Variants in TBX3 observed in about 807,000 individuals in gnomAD.
The protein encoded by TBX3 is T-box transcription factor 3.
Under a neutral mutation model 47.8 loss-of-function variants are expected in TBX3, and 11 were observed. That is an observed-to-expected ratio of 0.23 (90% CI 0.14 to 0.38). TBX3 has a LOEUF of 0.38. Among genes scored for constraint, TBX3 ranks in the 10% least tolerant of loss-of-function variants. TBX3 has a pLI of 1.00. For synonymous variants in TBX3, 500 were observed against 449.3 expected, an observed-to-expected ratio of 1.11 and a Z score of -1.43; for missense variants, 927 against 1,022.8, an observed-to-expected ratio of 0.91 and a Z score of 1.28.
chr12:114,680,044 C>A, intron 2 of TBX3: 2 of 1,498,484 alleles, frequency 1.3e-6, no homozygotes, highest in Non-Finnish European at 1.9e-6. Context: ...CACTAATTGA[C>A]GAGCCCAATC....
At position 114,679,600 on chromosome 12, in the gene TBX3, C is replaced by T. The variant is rs1321551828; in HGVS notation, c.709G>A (p.Ala237Thr). 3 of 1,614,090 alleles carry T rather than the reference C, an allele frequency of 1.9e-6. No homozygotes were observed. The highest frequency in any genetic ancestry group is 2.5e-6 in the Non-Finnish European group (3 of 1,180,004). The change falls in exon 3 of 7, where the codon GCC (alanine) becomes ACC (threonine). Residue 237 changes from alanine to threonine, a missense_variant. By Grantham distance (58) the Ala-to-Thr change is moderately conservative (BLOSUM62 0). Transcript: ENST00000349155. ...KYQPRFHIVR[A>T]NDILKLPYST... ...TAAGGGAGTTTCAAGATGTCATTGG[C>T]TCTTACAATGTGGAACCGGGGCTGG...
rs201325654 is a variant in TBX3 at position 114,674,250 on chromosome 12, G to A, written c.1625C>T (p.Ala542Val). Residue 542 changes from alanine (A) to valine (V), a missense_variant, in exon 6 of 7, where the codon GCC (alanine) becomes GTC (valine). Physicochemically the swap from Ala to Val is moderately conservative, Grantham distance 64. Coordinates refer to ENST00000349155, the MANE Select transcript of TBX3 (RefSeq NM_005996.4). The stretch of plus-strand genomic sequence containing the variant: ...CAGTCCCTGCGCCGCAGCGGCAGAG[G>A]CCATGGCCGTGGAATCCAGGCCCGA... ...GVSGLDSTAM[A>V]SAAAAQGLSG... The A allele has an allele frequency of 4.4e-4, 701 of 1,576,544 alleles. 6 individuals are homozygous for A. The East Asian group carries it at 0.014, about 31-fold the overall frequency.
rs746642104 is a variant in TBX3, at chr12:114,674,210, C to T, written c.1665G>A (p.Ala555=). 11 of 1,580,142 alleles carry T rather than the reference C, an allele frequency of 7.0e-6. No individual in the cohort carries two copies. The highest frequency in any genetic ancestry group is 8.6e-6 in the Non-Finnish European group (10 of 1,164,598). ...GCTGGAGGTGGAAGGGCAGGGTGGC[C>T]GCGGACGCCCCGGACAGTCCCTGCG... The part of the protein sequence containing the change: ...AAAQGLSGAS[A]ATLPFHLQQH... The change falls in exon 6 of 7, where the codon GCG becomes GCA. Residue 555 remains alanine, a synonymous_variant. Transcript: ENST00000349155.
In TBX3 at chr12:114,671,827, T is replaced by C. The variant is rs886049009; in HGVS notation, c.*14A>G. 1.3e-6 allele frequency: 2 copies of C among 1,551,664 alleles called. No homozygotes were observed. Among genetic ancestry groups the C allele is most frequent in the East Asian group, 2.4e-5 (1 of 41,160 alleles). On this transcript the variant is annotated 3_prime_UTR_variant, in exon 7 of 7. Transcript: ENST00000349155. ...TGAACTGGACTGGAATGAAAAGACG[T>C]GTCTGGGACGGGTCTACGGGGACGC...
At chr12:114,680,679 T>C (rs1868888697) in intron 2 of TBX3, 200 bp downstream of exon 2, 2 of 761,018 alleles carry the variant, frequency 2.6e-6, no homozygotes, top group Admixed American at 2.2e-5. Flanking sequence ...TAAGTTTTCT[T>C]GCCCCATTTC....
intron 2 of TBX3, chr12:114,679,914 T>A (rs368990405): frequency 6.2e-7 from 1 of 1,613,966 alleles, no homozygotes; most frequent in South Asian, 1.1e-5. Flanking sequence ...CTAGCCTACC[T>A]GAGTACCAAA....
chr12:114,680,282 A>G (rs1359774273), intron 2 of TBX3: 1 of 416,876 alleles, frequency 2.4e-6, no homozygotes, highest in Admixed American at 3.8e-5. Flanking sequence ...ATCTACAAGC[A>G]ATGAAAGTTT....
Position 114,671,926 on chromosome 12 carries a change from G to A in TBX3, c.2087C>T (p.Ala696Val), listed in dbSNP as rs369538205. The A allele has an allele frequency of 1.8e-5, 28 of 1,588,648 alleles. No homozygotes were observed. The highest frequency in any genetic ancestry group is 3.5e-5 in the Admixed American group (2 of 56,462). ...GATGCTCTGCAGTTCGCTGGTGGCC[G>A]CCTCTTTCTCCGCGCAGAGTTTGGG... ...LSPKLCAEKE[A>V]ATSELQSIQR... Residue 696 changes from alanine to valine, a missense_variant, in exon 7 of 7, where the codon GCG becomes GTG. Ala to Val is a moderately conservative substitution (Grantham distance 64). Transcript: ENST00000349155.
intron 5 of TBX3, among the ~76,000 whole-genome samples, chr12:114,675,312 T>C (rs1868658402): frequency 6.6e-6 from 1 of 152,184 alleles, no homozygotes; most frequent in African/African-American, 2.4e-5. Flanking sequence ...AATTTGTGAA[T>C]TACTCTGGAA....
Position 114,683,580 on chromosome 12 carries a change from T to TC in TBX3, c.-381dup, listed in dbSNP as rs1485248560. 3 of 273,660 alleles carry TC rather than the reference T, an allele frequency of 1.1e-5. No individual in the cohort carries two copies. Among genetic ancestry groups the TC allele is most frequent in the Non-Finnish European group, 2.1e-5 (3 of 144,968 alleles). 17.0% of individuals were successfully genotyped at this position (273,660 alleles called of 1,614,324 possible). A position where few individuals can be genotyped will look rare whatever the true frequency, so the allele number is the denominator to read the frequency against. On this transcript the variant is annotated 5_prime_UTR_variant, in exon 1 of 7. Coordinates refer to ENST00000349155, the MANE Select transcript of TBX3 (RefSeq NM_005996.4). This position sits in a 1 kb window ranked among gnomAD's most constrained non-coding sequence, Gnocchi z 7.7. ...CTGCCGCTGAGCTCGAAATAGACAC[T>TC]CCAGCCCTGCGTCCCAGGAATCTCT...
At chr12:114,680,471 A>G (rs1868881252) in intron 2 of TBX3, 2 of 318,198 alleles carry the variant, frequency 6.3e-6, no homozygotes, top group South Asian at 6.7e-5. Context: ...CAACAGAGTC[A>G]AGGCTCCGAA....
At position 114,671,862 on chromosome 12, in the gene TBX3, C is replaced by A. The variant is rs1868447933; in HGVS notation, c.2151G>T (p.Arg717Ser). ...LVSGLEAKPD[R>S]SRSASP is the part of the protein sequence containing the mutation. The stretch of plus-strand genomic sequence containing the variant: ...GGGTCTACGGGGACGCGCTGCGGGA[C>A]CTGTCCGGCTTGGCTTCCAAGCCGC... The change falls in exon 7 of 7, where the codon AGG becomes AGT. Residue 717 changes from arginine to serine, a missense_variant. By Grantham distance (110) the Arg-to-Ser change is moderately radical (BLOSUM62 -1). Transcript: ENST00000349155. 6.4e-7 allele frequency: 1 copy of A among 1,559,252 alleles called. No individual in the cohort carries two copies. Among genetic ancestry groups the A allele is most frequent in the African/African-American group, 1.4e-5 (1 of 73,506 alleles).
In TBX3 at chr12:114,672,157, C is replaced by G. The variant is rs2121376932; in HGVS notation, c.1856G>C (p.Arg619Pro). The G allele has an allele frequency of 6.4e-7, 1 of 1,570,868 alleles. No homozygotes were observed. Among genetic ancestry groups the G allele is most frequent in the Non-Finnish European group, 8.6e-7 (1 of 1,158,808 alleles). Residue 619 changes from arginine to proline, a missense_variant, in exon 7 of 7, where the codon CGC becomes CCC. Around this residue, in one of 5 missense-constraint regions of TBX3, gnomAD observed 623 missense variants for 569.0 expected, o/e 1.09. Coordinates refer to ENST00000349155, the MANE Select transcript of TBX3 (RefSeq NM_005996.4). Reference protein sequence around the residue: ...LNLNTMRPRLRYSPYSIPVPV... With the variant: ...LNLNTMRPRLPYSPYSIPVPV... Reference sequence around the variant, plus strand: ...CACCGGGATGGAGTAGGGGCTGTAGCGCAGCCGCGGGCGCATGGTGTTCAG... The same window carrying G: ...CACCGGGATGGAGTAGGGGCTGTAGGGCAGCCGCGGGCGCATGGTGTTCAG...
Position 114,670,956 on chromosome 12 carries a change from TATTA to T in TBX3, c.*881_*884del, listed in dbSNP as rs1868393523. 4 of 211,072 alleles carry T rather than the reference TATTA, an allele frequency of 1.9e-5. No individual in the cohort carries two copies. Among genetic ancestry groups the T allele is most frequent in the African/African-American group, 2.3e-5 (1 of 44,034 alleles). 13.1% of individuals were successfully genotyped at this position (211,072 alleles called of 1,614,324 possible). On this transcript the variant is annotated 3_prime_UTR_variant, in exon 7 of 7. Coordinates refer to ENST00000349155, the MANE Select transcript of TBX3 (RefSeq NM_005996.4). Reference sequence around the variant, plus strand: ...ACTTTGTCTAATAGTCTCACTTCTTTATTATTTTTTTAAAACCTTGTTATTGCAT... The same window carrying T: ...ACTTTGTCTAATAGTCTCACTTCTTTTTTTTTTAAAACCTTGTTATTGCAT...
chr12:114,676,570 C>A lies in TBX3; in HGVS notation c.882-100G>T. On this transcript the variant is annotated intron_variant, in intron 4 of 6. Coordinates refer to ENST00000349155, the MANE Select transcript of TBX3 (RefSeq NM_005996.4). ...AAGCGGCACACACATACCTCACACCCTGCCTGCTGCCCAGGGACAACGCTA... is the reference window on the plus strand; with the variant it reads ...AAGCGGCACACACATACCTCACACCATGCCTGCTGCCCAGGGACAACGCTA... 2.7e-6 allele frequency: 4 copies of A among 1,473,078 alleles called. No individual in the cohort carries two copies. In the South Asian group the frequency reaches 4.6e-5, roughly 17 times the overall value. 91.3% of individuals were successfully genotyped at this position (1,473,078 alleles called of 1,614,324 possible). A position where few individuals can be genotyped will look rare whatever the true frequency, so the allele number is the denominator to read the frequency against.
Position 114,684,077 on chromosome 12 carries a change from AGAGAGAG to A in TBX3, c.-884_-878del, listed in dbSNP as rs1869087636. 1 of 229,246 alleles carries A rather than the reference AGAGAGAG, an allele frequency of 4.4e-6. No homozygotes were observed. Among genetic ancestry groups the A allele is most frequent in the Non-Finnish European group, 8.6e-6 (1 of 116,182 alleles). 14.2% of individuals were successfully genotyped at this position (229,246 alleles called of 1,614,324 possible). ...AGAGGGAAAGAGAGGGAGGGGAGAG[AGAGAGAG>A]AGAGAGAGAGACGGAGTCGGAGAGG... On this transcript the variant is annotated 5_prime_UTR_variant, in exon 1 of 7. Transcript: ENST00000349155.
intron 4 of TBX3, 49 bp from the exon 5 acceptor site, chr12:114,676,519 CCT>C (rs1443180444): frequency 9.3e-6 from 15 of 1,611,860 alleles, no homozygotes; most frequent in Middle Eastern, 1.6e-4. Context: ...ATACATTTCC[CCT>C]CTTTGTTTCC....
rs1242243427 is a variant in TBX3 at position 114,671,512 on chromosome 12, A to T, written c.*329T>A. The T allele has an allele frequency of 8.8e-6, 4 of 455,062 alleles. No homozygotes were observed. The Admixed American group carries it at 1.1e-4, about 12-fold the overall frequency. The allele number at this position is 455,062 out of a possible 1,614,324, so 28.2% of individuals were successfully genotyped here. ...TCCGCACTGAGGGAGATGTCTTTGA[A>T]CACCTCCCCGCCTGGTGGGCAGAGA... On this transcript the variant is annotated 3_prime_UTR_variant, in exon 7 of 7. Coordinates refer to ENST00000349155, the MANE Select transcript of TBX3 (RefSeq NM_005996.4).
chr12:114,683,384 G>T lies in TBX3; in HGVS notation c.-184C>A. The T allele has an allele frequency of 2.5e-6, 2 of 801,516 alleles. No homozygotes were observed. Among genetic ancestry groups the T allele is most frequent in the African/African-American group, 1.7e-5 (1 of 57,744 alleles). 49.7% of individuals were successfully genotyped at this position (801,516 alleles called of 1,614,324 possible). On this transcript the variant is annotated 5_prime_UTR_variant, in exon 1 of 7. Transcript: ENST00000349155. The surrounding 1 kb of genome is among the most constrained non-coding windows in gnomAD (Gnocchi z 7.7). ...CTAATGCACTTCAAAGGGAGGAGGG[G>T]AAGTGTCTTTTGGAGAATGGGAGGC...
Sources: gnomAD v4.1 joint callset for allele counts (sites outside exome capture counted in the v4.1 genomes callset) on GRCh38, gnomAD v4.1.1 for gene constraint, gnomAD v4.1.1 regional missense constraint, Gnocchi (gnomAD v3.1) non-coding constraint, MANE v1.5 for transcripts, NCBI Gene and HGNC (gene_info 2026-07-23, HGNC 2026-07-21) for gene names.